Variants in HLA-DQA1 observed in about 807,000 individuals in gnomAD.
The protein encoded by HLA-DQA1 is major histocompatibility complex, class II, DQ alpha 1, also known as HLA class II histocompatibility antigen, DQ alpha 1 chain.
HLA-DQA1 carries 10 observed loss-of-function variants against 20.7 expected under a neutral mutation model. That is an observed-to-expected ratio of 0.48 (90% CI 0.30 to 0.82). HLA-DQA1 has a LOEUF of 0.82. Among genes scored for constraint, HLA-DQA1 ranks in the 40% least tolerant of loss-of-function variants. The pLI is 0.07. For missense variants in HLA-DQA1, 127 were observed against 293.0 expected (o/e 0.43, Z 4.14); for synonymous variants, 39 against 109.2 (o/e 0.36, Z 4.01).
At chr6:32,648,392 G>A (rs1782069509), downstream of HLA-DQA1, among the ~76,000 whole-genome samples, 1 of 96,016 alleles carries the variant, frequency 1.0e-5, no homozygotes, top group African/African-American at 3.6e-5. Flanking sequence ...ATAAAATACT[G>A]GCAAACCAAA....
chr6:32,642,329 T>TC, intron 3 of HLA-DQA1, 76 bp downstream of exon 3: 1 of 976,506 alleles, frequency 1.0e-6, no homozygotes, highest in Non-Finnish European at 1.5e-6. Flanking sequence ...TACTCCTATA[T>TC]CCAAAAACTT....
the HLA-DQA1 span, among the ~76,000 whole-genome samples, chr6:32,652,772 C>A: frequency 0.16 from 23,268 of 148,362 alleles, 2,192 homozygotes; most frequent in East Asian, 0.3. Context: ...AGGAAAGAGA[C>A]ATTGCCCATA....
downstream of HLA-DQA1, chr6:32,643,688 T>A (rs1781670339): frequency 8.8e-6 from 1 of 113,412 alleles, no homozygotes; most frequent in African/African-American, 3.3e-5. Context: ...CTCAAAACTT[T>A]AAATTTATGA....
the HLA-DQA1 span, among the ~76,000 whole-genome samples, chr6:32,653,061 G>C: frequency 0.52 from 63,640 of 121,256 alleles, 17,887 homozygotes; most frequent in Middle Eastern, 0.64. Flanking sequence ...GATGAGGCAG[G>C]TTTCATCACC....
chr6:32,642,843 G>GA, intron 4 of HLA-DQA1, 59 bp downstream of exon 4: 2 of 852,430 alleles, frequency 2.3e-6, no homozygotes, highest in Non-Finnish European at 3.4e-6. Flanking sequence ...AAGTGGGAGG[G>GA]CGTTGTGGAC....
downstream of HLA-DQA1, among the ~76,000 whole-genome samples, chr6:32,647,801 G>A (rs17612590): frequency 0.57 from 85,399 of 150,550 alleles, 24,450 homozygotes; most frequent in Middle Eastern, 0.7. Flanking sequence ...TTGTTTATAT[G>A]TTCATTAATT....
chr6:32,642,566 T>C (rs747509554), intron 3 of HLA-DQA1, 44 bp from the exon 4 acceptor site: 3 of 1,384,698 alleles, frequency 2.2e-6, no homozygotes, highest in South Asian at 1.2e-5. Flanking sequence ...CACATGCACA[T>C]GAGCACACTC....
At chr6:32,654,281 A>G in the HLA-DQA1 span, among the ~76,000 whole-genome samples, 8 of 70,746 alleles carry the variant, frequency 1.1e-4, 2 homozygotes, top group African/African-American at 3.2e-4. Context: ...TCCAGCCAGA[A>G]CTAGGCCCTG....
chr6:32,650,753 T>G (rs1361407875), downstream of HLA-DQA1, among the ~76,000 whole-genome samples: 2 of 91,074 alleles, frequency 2.2e-5, no homozygotes, highest in Admixed American at 1.4e-4. Context: ...TAATGTAAAT[T>G]ACGAGTTGAT....
At position 32,642,959 on chromosome 6, in the gene HLA-DQA1, G is replaced by C; in HGVS notation, c.*28G>C. ...ATGTCTGCCCTGTTGCAGGTGCATC[G>C]CCATCTACAGGAGCAGAAGAATGGA... On this transcript the variant is annotated 3_prime_UTR_variant, in exon 5 of 5. Transcript: ENST00000343139. 2.1e-6 allele frequency: 1 copy of C among 473,600 alleles called. No individual in the cohort carries two copies. Among genetic ancestry groups the C allele is most frequent in the Non-Finnish European group, 3.8e-6 (1 of 263,800 alleles). 29.3% of individuals were successfully genotyped at this position (473,600 alleles called of 1,614,324 possible).
At chr6:32,650,897 C>CT (rs70996709), downstream of HLA-DQA1, among the ~76,000 whole-genome samples, 34,302 of 67,014 alleles carry the variant, frequency 0.51, 14,214 homozygotes, top group Middle Eastern at 0.64. Flanking sequence ...ATAAAGAATT[C>CT]TTTTTTTTTT....
At chr6:32,654,360 G>A in the HLA-DQA1 span, among the ~76,000 whole-genome samples, 3 of 121,756 alleles carry the variant, frequency 2.5e-5, no homozygotes, top group South Asian at 2.6e-4. Flanking sequence ...CGACTGTACA[G>A]CATGGTGACT....
Position 32,641,361 on chromosome 6 carries a change from C to T in HLA-DQA1, c.134C>T (p.Ser45Phe). The part of the protein sequence containing the change: ...GVNLYQFYGP[S>F]GQYTHEFDGD... ...AACTTGTACCAGTTTTACGGTCCCT[C>T]TGGCCAGTACACCCATGAATTTGAT... The change falls in exon 2 of 5, where the codon TCT becomes TTT. Residue 45 changes from serine (S) to phenylalanine (F), a missense_variant. Physicochemically the swap from Ser to Phe is radical, Grantham distance 155 (BLOSUM62 -2). Transcript: ENST00000343139. The T allele has an allele frequency of 1.7e-6, 2 of 1,162,284 alleles. 1 individual carries two copies. Among genetic ancestry groups the T allele is most frequent in the Non-Finnish European group, 2.4e-6 (2 of 823,410 alleles). 72.0% of individuals were successfully genotyped at this position (1,162,284 alleles called of 1,614,324 possible).
At chr6:32,645,140 T>G (rs1412049483), downstream of HLA-DQA1, 2 of 151,020 alleles carry the variant, frequency 1.3e-5, 1 homozygote, top group Non-Finnish European at 3.0e-5. Context: ...ATGTAAACTA[T>G]GGACTTTGGG....
chr6:32,641,543 A>C lies in HLA-DQA1; in HGVS notation c.316A>C (p.Thr106Pro), dbSNP rs1581989213. 1 of 1,028,182 alleles carries C rather than the reference A, an allele frequency of 9.7e-7. No homozygotes were observed. Among genetic ancestry groups the C allele is most frequent in the South Asian group, 1.5e-5 (1 of 65,414 alleles). The allele number at this position is 1,028,182 out of a possible 1,614,324, so 63.7% of individuals were successfully genotyped here. ...LNIMIKRYNSTAATNEVPEVT... is the reference protein window; with the variant it reads ...LNIMIKRYNSPAATNEVPEVT... ...CATCATGATTAAACGCTACAACTCT[A>C]CCGCTGCTACCAATGGTATGCGTCC... The change falls in exon 2 of 5, where the codon ACC (threonine) becomes CCC (proline). Residue 106 changes from threonine (T) to proline (P), a missense_variant. This residue lies in a region of HLA-DQA1 where 30 missense variants were observed against 39.9 expected (regional missense o/e 0.75). Coordinates refer to ENST00000343139, the MANE Select transcript of HLA-DQA1 (RefSeq NM_002122.5).
At chr6:32,651,471 C>T (rs1426184555), downstream of HLA-DQA1, among the ~76,000 whole-genome samples, 2 of 83,884 alleles carry the variant, frequency 2.4e-5, 1 homozygote, top group African/African-American at 8.3e-5. Context: ...GTAGTCCCAG[C>T]TGCTCGGGAG....
At chr6:32,647,937 T>G (rs1476380548), downstream of HLA-DQA1, among the ~76,000 whole-genome samples, 1 of 152,016 alleles carries the variant, frequency 6.6e-6, no homozygotes, top group Non-Finnish European at 1.5e-5. Context: ...TACACTGTAG[T>G]GGGAAGAAAT....
chr6:32,648,142 G>A (rs17612697), downstream of HLA-DQA1, among the ~76,000 whole-genome samples: 16,150 of 67,024 alleles, frequency 0.24, 2,889 homozygotes, highest in Middle Eastern at 0.5. Context: ...AGGTTGAGGA[G>A]GGCAGAGCAA....
intron 1 of HLA-DQA1, among the ~76,000 whole-genome samples, chr6:32,640,092 G>A (rs544783746): frequency 1.0e-5 from 1 of 100,428 alleles, no homozygotes; most frequent in South Asian, 3.1e-4. Context: ...CCATTTCAGG[G>A]AGAAAAACAA....
Sources: allele counts gnomAD v4.1 joint callset (sites outside exome capture counted in the v4.1 genomes callset), GRCh38; gene constraint gnomAD v4.1.1; regional missense constraint gnomAD v4.1.1; transcripts MANE v1.5; gene names NCBI Gene and HGNC (gene_info 2026-07-23, HGNC 2026-07-21).